Variants in LRP1B observed in about 807,000 individuals in gnomAD.
LRP1B encodes low-density lipoprotein receptor-related protein 1B.
A neutral mutation model predicts 556.6 loss-of-function variants in LRP1B; 217 were observed. The ratio of observed to expected loss-of-function variants is 0.39; its 90% CI spans 0.35 to 0.44. The LOEUF is 0.44. LRP1B is among the 20% of genes least tolerant of loss of function. The probability of loss-of-function intolerance (pLI) is 1.00; values close to 1 mark genes in which losing one functional copy is unlikely to be tolerated. For synonymous variants in LRP1B, 2,047 were observed against 1,865.8 expected (o/e 1.10, Z -2.50); for missense variants, 5,053 against 5,620.8 (o/e 0.90, Z 3.23).
In LRP1B at chr2:141,853,038, T is replaced by C. The variant is rs553467301; in HGVS notation, c.83-42637A>G. Among the ~76,000 whole-genome samples, 17 of 151,854 alleles carry C rather than the reference T, an allele frequency of 1.1e-4. No homozygotes were observed. The South Asian group carries it at 3.5e-3, about 31-fold the overall frequency. On this transcript the variant is annotated intron_variant, in intron 1 of 90. Coordinates refer to ENST00000389484, the MANE Select transcript of LRP1B (RefSeq NM_018557.3). ...AACAATATCTATAGGCTGCTTCCCA[T>C]GGAAATTACATGCATATATGATTCT...
chr2:141,432,376 A>C (rs1559067536), intron 3 of LRP1B, among the ~76,000 whole-genome samples: 1 of 152,048 alleles, frequency 6.6e-6, no homozygotes, highest in Non-Finnish European at 1.5e-5. Context: ...CTATATTCAT[A>C]AGGGATATTG....
chr2:142,021,295 A>G (rs1703321889), intron 1 of LRP1B, among the ~76,000 whole-genome samples: 2 of 151,792 alleles, frequency 1.3e-5, no homozygotes, highest in South Asian at 4.2e-4. Flanking sequence ...GATTTTAAAA[A>G]ATCTTCCTCT....
intron 7 of LRP1B, among the ~76,000 whole-genome samples, chr2:141,066,509 A>T (rs1010336030): frequency 6.6e-6 from 1 of 151,984 alleles, no homozygotes; most frequent in African/African-American, 2.4e-5. Context: ...ATACATACTG[A>T]CATCTTAAAG....
chr2:141,895,048 C>CAAAAAAAAAA (rs369108197), intron 1 of LRP1B, among the ~76,000 whole-genome samples: 3 of 78,518 alleles, frequency 3.8e-5, no homozygotes, highest in Non-Finnish European at 4.9e-5. Context: ...AACTCCATCT[C>CAAAAAAAAAA]AAAAAAAAAA....
intron 31 of LRP1B, among the ~76,000 whole-genome samples, chr2:140,820,652 T>C (rs1691294527): frequency 6.6e-6 from 1 of 152,178 alleles, no homozygotes; most frequent in Non-Finnish European, 1.5e-5. Context: ...ACCTATAGTT[T>C]TATAATTTTC....
chr2:140,417,240 C>A (rs1685240056), intron 66 of LRP1B, among the ~76,000 whole-genome samples: 1 of 152,292 alleles, frequency 6.6e-6, no homozygotes, highest in South Asian at 2.1e-4. Context: ...AGTGGCTAAC[C>A]ACATTACTAA....
At chr2:140,816,160 G>A (rs148448103) in intron 31 of LRP1B, among the ~76,000 whole-genome samples, 11 of 151,200 alleles carry the variant, frequency 7.3e-5, no homozygotes, top group Admixed American at 4.6e-4. Context: ...ACTGTGTCAC[G>A]AGGCTGGAGT....
intron 60 of LRP1B, among the ~76,000 whole-genome samples, chr2:140,465,736 A>AAAAAAG (rs1687520429): frequency 6.6e-6 from 1 of 150,598 alleles, no homozygotes; most frequent in African/African-American, 2.4e-5. Flanking sequence ...AAAAAAAAAG[A>AAAAAAG]AAAAAACTCC....
Position 142,086,530 on chromosome 2 carries a change from G to T in LRP1B, c.82+44118C>A, listed in dbSNP as rs185004151. ...TGAGGCAGGAGAAACGTTTGAACCC[G>T]GGAGGCGGGAGGCAGAGGTCTCAGT... On this transcript the variant is annotated intron_variant, in intron 1 of 90. Transcript: ENST00000389484. Among the ~76,000 whole-genome samples, 193 of 151,992 alleles carry T rather than the reference G, an allele frequency of 1.3e-3. 1 individual carries two copies. Among genetic ancestry groups the T allele is most frequent in the Non-Finnish European group, 2.4e-3 (162 of 67,956 alleles).
intron 84 of LRP1B, among the ~76,000 whole-genome samples, chr2:140,279,469 C>T (rs1682824476): frequency 6.6e-6 from 1 of 151,932 alleles, no homozygotes; most frequent in African/African-American, 2.4e-5. Flanking sequence ...TCACTCCCTT[C>T]ACATCTATAA....
chr2:141,059,547 T>G (rs1302389358), intron 8 of LRP1B, among the ~76,000 whole-genome samples: 2 of 151,796 alleles, frequency 1.3e-5, no homozygotes, highest in African/African-American at 4.8e-5. Context: ...CCAATCTATG[T>G]TTAGACTACC....
At position 140,951,683 on chromosome 2, in the gene LRP1B, T is replaced by C. The variant is rs115345473; in HGVS notation, c.2968+177A>G. On this transcript the variant is annotated intron_variant, in intron 19 of 90. Coordinates refer to ENST00000389484, the MANE Select transcript of LRP1B (RefSeq NM_018557.3). Reference sequence around the variant, plus strand: ...CCATGGGGCAAATATTGAGTTCCATTATCTTTAATGCTAATTCCCACTGAT... The same window carrying C: ...CCATGGGGCAAATATTGAGTTCCATCATCTTTAATGCTAATTCCCACTGAT... Among the ~76,000 whole-genome samples the C allele has an allele frequency of 7.1e-3, 1,087 of 152,298 alleles. 16 individuals carry two copies. Among genetic ancestry groups the C allele is most frequent in the African/African-American group, 0.024 (982 of 41,564 alleles).
chr2:141,795,242 A>T (rs987525732), intron 2 of LRP1B, among the ~76,000 whole-genome samples: 1 of 152,110 alleles, frequency 6.6e-6, no homozygotes, highest in Non-Finnish European at 1.5e-5. Flanking sequence ...TAAGTTAAGC[A>T]AGGTGAGTAC....
At position 140,599,580 on chromosome 2, in the gene LRP1B, C is replaced by CA. The variant is rs1350153113; in HGVS notation, c.6990-746dup. On this transcript the variant is annotated intron_variant, in intron 42 of 90. Coordinates refer to ENST00000389484, the MANE Select transcript of LRP1B (RefSeq NM_018557.3). ...TACCAAATAATTTTCAAATTCACAA[C>CA]AAAAATGTTTGTATTCAATTTTCAT... Among the ~76,000 whole-genome samples the CA allele has an allele frequency of 2.0e-5, 3 of 152,024 alleles. No homozygotes were observed. In the South Asian group the frequency reaches 6.2e-4, roughly 32 times the overall value.
chr2:141,857,796 C>G (rs895368435), intron 1 of LRP1B, among the ~76,000 whole-genome samples: 1 of 152,154 alleles, frequency 6.6e-6, no homozygotes, highest in African/African-American at 2.4e-5. Context: ...CCTCTCCTAA[C>G]TGACACAGCA....
chr2:140,310,657 C>T (rs1363951214), intron 83 of LRP1B, among the ~76,000 whole-genome samples: 5 of 151,744 alleles, frequency 3.3e-5, no homozygotes, highest in African/African-American at 1.2e-4. Context: ...AAAGGACATC[C>T]TATTCAATAA....
At chr2:142,060,249 T>C (rs544904928) in intron 1 of LRP1B, among the ~76,000 whole-genome samples, 1 of 152,188 alleles carries the variant, frequency 6.6e-6, no homozygotes, top group African/African-American at 2.4e-5. Flanking sequence ...CCATTCCATA[T>C]CATAAGCTGT....
chr2:141,724,336 A>T (rs182369252), intron 2 of LRP1B, among the ~76,000 whole-genome samples: 241 of 152,074 alleles, frequency 1.6e-3, no homozygotes, highest in African/African-American at 5.3e-3. Context: ...GATTTGGTGT[A>T]ATTCCTACCA....
At chr2:141,704,980 A>G (rs1383953041) in intron 2 of LRP1B, among the ~76,000 whole-genome samples, 1 of 152,016 alleles carries the variant, frequency 6.6e-6, no homozygotes, top group Non-Finnish European at 1.5e-5. Context: ...TTATATAGTA[A>G]AAGGTTAATA....
Sources: allele counts gnomAD v4.1 joint callset (sites outside exome capture counted in the v4.1 genomes callset), GRCh38; gene constraint gnomAD v4.1.1; transcripts MANE v1.5; gene names NCBI Gene and HGNC (gene_info 2026-07-23, HGNC 2026-07-21).